KHDRBS1: variants seen among roughly 807,000 people sequenced by gnomAD.
The protein encoded by KHDRBS1 is KH RNA binding domain containing, signal transduction associated 1.
KHDRBS1 carries 7 observed loss-of-function variants against 48.4 expected under a neutral mutation model. The observed-to-expected ratio is 0.14, with a 90% CI of 0.08 to 0.27. The LOEUF is 0.27. KHDRBS1 is among the 10% of genes least tolerant of loss of function. KHDRBS1 has a pLI of 1.00. For missense variants in KHDRBS1, 458 were observed against 601.2 expected, an observed-to-expected ratio of 0.76 and a Z score of 2.49; for synonymous variants, 241 against 235.8, an observed-to-expected ratio of 1.02 and a Z score of -0.20.
chr1:32,034,023 G>A (rs894505029), intron 4 of KHDRBS1, among the ~76,000 whole-genome samples: 2 of 152,108 alleles, frequency 1.3e-5, no homozygotes, highest in Non-Finnish European at 2.9e-5. Context: ...TACTATTTTT[G>A]CCTTTTAGCA....
chr1:32,039,130 G>A (rs1569807232), intron 7 of KHDRBS1, among the ~76,000 whole-genome samples: 1 of 152,210 alleles, frequency 6.6e-6, no homozygotes, highest in East Asian at 1.9e-4. Flanking sequence ...CCATTTCCTT[G>A]TGTGTCCATA....
chr1:32,033,062 A>G (rs1420492029), intron 3 of KHDRBS1, 126 bp from the exon 4 acceptor site: 1 of 675,206 alleles, frequency 1.5e-6, no homozygotes, highest in Non-Finnish European at 2.6e-6. Flanking sequence ...TTCTCAGCTC[A>G]TACCAATTAA....
At chr1:32,031,084 A>C (rs897793885) in intron 2 of KHDRBS1, among the ~76,000 whole-genome samples, 2 of 152,048 alleles carry the variant, frequency 1.3e-5, no homozygotes, top group African/African-American at 4.8e-5. Context: ...CCCCATCTCT[A>C]CAAAAAATAC....
intron 5 of KHDRBS1, among the ~76,000 whole-genome samples, chr1:32,037,478 C>T (rs1292276805): frequency 6.6e-6 from 1 of 151,818 alleles, no homozygotes; most frequent in Non-Finnish European, 1.5e-5. Context: ...AGATCTTGGG[C>T]ACTTTGACCA....
chr1:32,017,499 C>A (rs908191135), intron 1 of KHDRBS1, among the ~76,000 whole-genome samples: 6 of 149,462 alleles, frequency 4.0e-5, no homozygotes, highest in African/African-American at 1.2e-4. Context: ...ATTCAATCAT[C>A]TATCTTTGTT....
rs2124375544 is a variant in KHDRBS1, at chr1:32,030,350, C to T, written c.435C>T (p.Tyr145=). Residue 145 remains tyrosine, a synonymous_variant, in exon 2 of 9, where the codon TAC becomes TAT. Coordinates refer to ENST00000327300, the MANE Select transcript of KHDRBS1 (RefSeq NM_006559.3). ...CAAAAAAGGATGATGAGGAGAATTA[C>T]TTGGATTTATTTTCTCATAAGAACA... ...GDSKKDDEEN[Y]LDLFSHKNMK... The T allele has an allele frequency of 6.2e-7, 1 of 1,611,442 alleles. No homozygotes were observed.
intron 1 of KHDRBS1, among the ~76,000 whole-genome samples, chr1:32,023,739 G>C (rs939994319): frequency 3.3e-5 from 5 of 152,188 alleles, no homozygotes; most frequent in Admixed American, 6.5e-5. Context: ...GACAAGGAGA[G>C]ACATACAGAG....
intron 1 of KHDRBS1, among the ~76,000 whole-genome samples, chr1:32,021,393 C>A (rs1445120467): frequency 6.6e-6 from 1 of 151,772 alleles, no homozygotes; most frequent in Admixed American, 6.6e-5. Context: ...CTCAGAGGGA[C>A]CCATGATTCC....
chr1:32,041,447 C>A (rs1639281305), intron 8 of KHDRBS1, among the ~76,000 whole-genome samples: 1 of 152,252 alleles, frequency 6.6e-6, no homozygotes. Flanking sequence ...CATAAGAGGT[C>A]ACCTCTAGAA....
intron 1 of KHDRBS1, among the ~76,000 whole-genome samples, chr1:32,024,902 C>T (rs1476971175): frequency 6.6e-6 from 1 of 151,604 alleles, no homozygotes; most frequent in Non-Finnish European, 1.5e-5. Context: ...GAGTTCGAGG[C>T]TGCAGTGAAC....
At chr1:32,037,782 A>T (rs1639209792) in intron 5 of KHDRBS1, 53 bp from the exon 6 acceptor site, 1 of 1,580,938 alleles carries the variant, frequency 6.3e-7, no homozygotes, top group Admixed American at 1.7e-5. Context: ...ATCAGAACAT[A>T]AAAGTGGCCT....
At chr1:32,029,853 ACTAGTAT>A (rs2124374843) in intron 1 of KHDRBS1, among the ~76,000 whole-genome samples, 1 of 152,350 alleles carries the variant, frequency 6.6e-6, no homozygotes, top group South Asian at 2.1e-4. Context: ...ACTCTTAAGG[ACTAGTAT>A]CTAGAGTACT....
At chr1:32,050,456 T>A (rs1639405047) in intron 10 of KHDRBS1, among the ~76,000 whole-genome samples, 1 of 152,144 alleles carries the variant, frequency 6.6e-6, no homozygotes, top group African/African-American at 2.4e-5. Context: ...AAGGTCAGGA[T>A]TGTACCTGTT....
intron 1 of KHDRBS1, among the ~76,000 whole-genome samples, chr1:32,017,183 G>A (rs1233472426): frequency 1.3e-5 from 2 of 151,994 alleles, no homozygotes; most frequent in Non-Finnish European, 1.5e-5. Flanking sequence ...ACTTGAAACC[G>A]GGAGTTGGAG....
chr1:32,040,247 C>CT, intron 8 of KHDRBS1, among the ~76,000 whole-genome samples: 2 of 152,156 alleles, frequency 1.3e-5, no homozygotes, highest in Admixed American at 1.3e-4. Flanking sequence ...AACCCTGTCT[C>CT]TACTAAAAAT....
At chr1:32,020,142 G>A (rs1431256761) in intron 1 of KHDRBS1, among the ~76,000 whole-genome samples, 3 of 152,034 alleles carry the variant, frequency 2.0e-5, no homozygotes, top group African/African-American at 7.2e-5. Flanking sequence ...GGGCATGGTG[G>A]CTCATGCCTG....
Position 32,037,858 on chromosome 1 carries a change from G to T in KHDRBS1, c.929G>T (p.Arg310Leu). 1 of 1,614,138 alleles carries T rather than the reference G, an allele frequency of 6.2e-7. No individual in the cohort carries two copies. Among genetic ancestry groups the T allele is most frequent in the Non-Finnish European group, 8.5e-7 (1 of 1,180,016 alleles). Reference sequence around the variant, plus strand: ...AGGGGCCGTGGTGTTGGACCACCTCGGGGGGCTTTGGTACGTGGTACACCA... The same window carrying T: ...AGGGGCCGTGGTGTTGGACCACCTCTGGGGGCTTTGGTACGTGGTACACCA... ...VPRGRGVGPP[R>L]GALVRGTPVR... Residue 310 changes from arginine (R) to leucine (L), a missense_variant, in exon 6 of 9, where the codon CGG becomes CTG. By Grantham distance (102) the Arg-to-Leu change is moderately radical (BLOSUM62 -2). Transcript: ENST00000327300.
intron 1 of KHDRBS1, among the ~76,000 whole-genome samples, chr1:32,019,051 C>T (rs1026671179): frequency 6.9e-6 from 1 of 144,634 alleles, no homozygotes; most frequent in Non-Finnish European, 1.5e-5. Flanking sequence ...GCCGAGATTG[C>T]GCCGCCACTG....
intron 10 of KHDRBS1, among the ~76,000 whole-genome samples, chr1:32,053,023 C>T: frequency 6.6e-6 from 1 of 151,734 alleles, no homozygotes; most frequent in East Asian, 1.9e-4. Flanking sequence ...TGTGGTGGTG[C>T]ACGCCTGTAG....
Sources: allele counts gnomAD v4.1 joint callset (sites outside exome capture counted in the v4.1 genomes callset), GRCh38; gene constraint gnomAD v4.1.1; transcripts MANE v1.5; gene names NCBI Gene and HGNC (gene_info 2026-07-23, HGNC 2026-07-21).